Variants in IL1RAPL1 observed in about 807,000 individuals in gnomAD.
IL1RAPL1 encodes the protein interleukin 1 receptor accessory protein like 1.
In IL1RAPL1, 3 loss-of-function variants were observed where a neutral mutation model predicts 48.4. The observed-to-expected ratio is 0.06, with a 90% CI of 0.03 to 0.16. The LOEUF is 0.16. Among genes scored for constraint, IL1RAPL1 ranks in the 10% least tolerant of loss-of-function variants. IL1RAPL1 has a pLI of 1.00. For synonymous variants in IL1RAPL1, 185 were observed against 187.7 expected, an observed-to-expected ratio of 0.99 and a Z score of 0.12; for missense variants, 349 against 530.6, an observed-to-expected ratio of 0.66 and a Z score of 3.36.
intron 5 of IL1RAPL1, among the ~76,000 whole-genome samples, chrX:29,613,173 G>C (rs899779158): frequency 1.8e-5 from 2 of 112,286 alleles, no homozygotes; most frequent in African/African-American, 3.2e-5. Context: ...TAAAAATCAC[G>C]TACTAAGAAA....
chrX:29,057,644 G>T (rs1181701415), intron 2 of IL1RAPL1, among the ~76,000 whole-genome samples: 1 of 110,802 alleles, frequency 9.0e-6, no homozygotes, highest in African/African-American at 3.3e-5. Flanking sequence ...GGCCAGGCTG[G>T]TCTCGAACTC....
chrX:29,311,826 ATAT>A (rs1234152035), intron 3 of IL1RAPL1, among the ~76,000 whole-genome samples: 1 of 111,944 alleles, frequency 8.9e-6, no homozygotes. Context: ...CAAAAATTTT[ATAT>A]TATTAATAAA....
At chrX:29,671,779 A>G (rs753566878) in intron 6 of IL1RAPL1, among the ~76,000 whole-genome samples, 2 of 112,153 alleles carry the variant, frequency 1.8e-5, no homozygotes, top group African/African-American at 6.5e-5. Context: ...GCCCACTTTC[A>G]GAACCGTCCA....
intron 5 of IL1RAPL1, among the ~76,000 whole-genome samples, chrX:29,656,619 A>T (rs1480310977): frequency 9.1e-6 from 1 of 109,404 alleles, no homozygotes; most frequent in Non-Finnish European, 1.9e-5. Context: ...ATGGCTGAGT[A>T]GGTATTTCAT....
chrX:29,683,062 G>A (rs1213593409), intron 6 of IL1RAPL1, among the ~76,000 whole-genome samples: 2 of 112,245 alleles, frequency 1.8e-5, no homozygotes, highest in African/African-American at 6.5e-5. Context: ...CAAGGGTAGA[G>A]ACTTTTCACT....
At chrX:29,793,641 T>G (rs907716822) in intron 6 of IL1RAPL1, among the ~76,000 whole-genome samples, 1 of 112,052 alleles carries the variant, frequency 8.9e-6, no homozygotes. Context: ...CTTATCATAT[T>G]TATTGCAATA....
rs1457828965 is a variant in IL1RAPL1 at position 29,221,610 on chromosome X, TACACACACATACACAC to T, written c.83-61318_83-61303del. Among the ~76,000 whole-genome samples, 499 of 61,822 alleles carry T rather than the reference TACACACACATACACAC, an allele frequency of 8.1e-3. 2 individuals carry two copies. Among genetic ancestry groups the T allele is most frequent in the Non-Finnish European group, 0.01 (332 of 32,374 alleles). The allele number at this position is 61,822 out of a possible 115,157, so 53.7% of individuals were successfully genotyped here. A position where few individuals can be genotyped will look rare whatever the true frequency, so the allele number is the denominator to read the frequency against. Reference sequence around the variant, plus strand: ...GTCATTATGCCAAAGGAGCAATGTATACACACACATACACACACACACACACACACACACACACACA... The same window carrying T: ...GTCATTATGCCAAAGGAGCAATGTATACACACACACACACACACACACACA... On this transcript the variant is annotated intron_variant, in intron 2 of 10. Transcript: ENST00000378993.
At chrX:29,553,236 T>C (rs962374877) in intron 5 of IL1RAPL1, among the ~76,000 whole-genome samples, 3 of 111,834 alleles carry the variant, frequency 2.7e-5, no homozygotes, top group Non-Finnish European at 5.6e-5. Context: ...TGTTAGGATT[T>C]ATGTTAATAT....
chrX:29,562,420 T>C (rs1206173181), intron 5 of IL1RAPL1, among the ~76,000 whole-genome samples: 2 of 111,390 alleles, frequency 1.8e-5, no homozygotes, highest in East Asian at 5.6e-4. Context: ...ATTTTTGGAA[T>C]GTTTAACAAG....
At chrX:29,453,561 G>A (rs1480087837) in intron 5 of IL1RAPL1, among the ~76,000 whole-genome samples, 1 of 111,298 alleles carries the variant, frequency 9.0e-6, no homozygotes, top group East Asian at 2.8e-4. Context: ...CTTGAAATGA[G>A]TATAAGATCA....
chrX:28,721,676 A>G (rs1286502983), intron 1 of IL1RAPL1, among the ~76,000 whole-genome samples: 2 of 111,048 alleles, frequency 1.8e-5, no homozygotes, highest in Non-Finnish European at 3.8e-5. Context: ...GCCCGTGCCT[A>G]TGTCCTGAAT....
intron 2 of IL1RAPL1, among the ~76,000 whole-genome samples, chrX:29,014,586 G>A (rs2147397573): frequency 9.0e-6 from 1 of 111,650 alleles, no homozygotes; most frequent in African/African-American, 3.2e-5. Flanking sequence ...ATTACAGGAA[G>A]ACAATTCATT....
chrX:28,750,477 C>T lies in IL1RAPL1; in HGVS notation c.-24-38843C>T, dbSNP rs753108152. Reference sequence around the variant, plus strand: ...CATTTATAGTATGAGATAACTCAGCCATTTTCATTAAATGTCAGAAAAAAT... The same window carrying T: ...CATTTATAGTATGAGATAACTCAGCTATTTTCATTAAATGTCAGAAAAAAT... On this transcript the variant is annotated intron_variant, in intron 1 of 10. Transcript: ENST00000378993. Among the ~76,000 whole-genome samples the T allele has an allele frequency of 8.1e-5, 9 of 111,398 alleles. No homozygotes were observed. In the South Asian group the frequency reaches 3.4e-3, roughly 42 times the overall value.
intron 6 of IL1RAPL1, among the ~76,000 whole-genome samples, chrX:29,769,707 C>G (rs549581492): frequency 1.9e-5 from 2 of 102,951 alleles, no homozygotes; most frequent in South Asian, 9.3e-4. Flanking sequence ...ACCTGCACCT[C>G]CCGGGTTCAA....
intron 2 of IL1RAPL1, among the ~76,000 whole-genome samples, chrX:29,245,324 G>T (rs1252775634): frequency 2.9e-4 from 32 of 111,105 alleles, no homozygotes; most frequent in Admixed American, 7.6e-4. Context: ...TGATATTTCT[G>T]GTTCTAGATC....
chrX:29,699,192 G>A (rs1926990792), intron 6 of IL1RAPL1, among the ~76,000 whole-genome samples: 1 of 112,429 alleles, frequency 8.9e-6, no homozygotes, highest in South Asian at 3.7e-4. Context: ...CTCCACAAAA[G>A]CAACCAGGAT....
At chrX:28,768,795 T>TAC (rs1936278794) in intron 1 of IL1RAPL1, among the ~76,000 whole-genome samples, 1 of 74,763 alleles carries the variant, frequency 1.3e-5, no homozygotes, top group Non-Finnish European at 2.4e-5. Flanking sequence ...ACTATATATA[T>TAC]ACAGACATTA....
chrX:29,686,951 A>G (rs1926642762), intron 6 of IL1RAPL1, among the ~76,000 whole-genome samples: 1 of 108,709 alleles, frequency 9.2e-6, no homozygotes, highest in Non-Finnish European at 1.9e-5. Context: ...ACAGTGAGAT[A>G]TCACCTCACT....
At chrX:29,138,118 C>T (rs1266084561) in intron 2 of IL1RAPL1, among the ~76,000 whole-genome samples, 3 of 112,213 alleles carry the variant, frequency 2.7e-5, no homozygotes, top group Non-Finnish European at 3.8e-5. Context: ...TTTTCAAACA[C>T]GTATAGAAAG....
Sources: gnomAD v4.1 joint callset for allele counts (sites outside exome capture counted in the v4.1 genomes callset) on GRCh38, gnomAD v4.1.1 for gene constraint, MANE v1.5 for transcripts, NCBI Gene and HGNC (gene_info 2026-07-23, HGNC 2026-07-21) for gene names.